The following SPIDR variants were observed in gnomAD, a reference collection of about 807,000 sequenced individuals.
SPIDR encodes scaffold protein involved in DNA repair.
Under a neutral mutation model 104.6 loss-of-function variants are expected in SPIDR, and 93 were observed. That is an observed-to-expected ratio of 0.89 (90% CI 0.75 to 1.06). The LOEUF (loss-of-function observed/expected upper bound fraction) is 1.06, where lower values mean the gene tolerates loss of function less well. Ranked by LOEUF, SPIDR falls within the 50% of genes least tolerant of loss-of-function variation. SPIDR has a pLI of 0.00. For synonymous variants in SPIDR, 431 were observed against 416.9 expected, an observed-to-expected ratio of 1.03 and a Z score of -0.41; for missense variants, 1,154 against 1,111.2, an observed-to-expected ratio of 1.04 and a Z score of -0.55.
rs546662027 is a variant in SPIDR at position 47,573,205 on chromosome 8, G to A, written c.1098-22606G>A. Among the ~76,000 whole-genome samples the A allele has an allele frequency of 7.2e-5, 11 of 152,230 alleles. No individual in the cohort carries two copies. In the East Asian group the frequency reaches 9.6e-4, roughly 13 times the overall value. On this transcript the variant is annotated intron_variant, in intron 8 of 19. Transcript: ENST00000297423. ...TTGGTGTTTGTCCTGATTGTTTTTC[G>A]GCAGGCTTAGCACAGTGAGCCCCTG...
At chr8:47,449,185 TG>T (rs1184461376) in intron 8 of SPIDR, among the ~76,000 whole-genome samples, 61 of 152,184 alleles carry the variant, frequency 4.0e-4, no homozygotes, top group Admixed American at 3.5e-3. Flanking sequence ...GGGTTTGATG[TG>T]GTATTTAAGT....
At chr8:47,444,748 A>G (rs1353421500) in intron 8 of SPIDR, among the ~76,000 whole-genome samples, 2 of 152,190 alleles carry the variant, frequency 1.3e-5, no homozygotes, top group South Asian at 2.1e-4. Context: ...TATGATTTCC[A>G]TAGTAACCTG....
At chr8:47,502,731 G>A (rs558648141) in intron 8 of SPIDR, among the ~76,000 whole-genome samples, 2 of 151,924 alleles carry the variant, frequency 1.3e-5, no homozygotes, top group Non-Finnish European at 2.9e-5. Flanking sequence ...TTGATGTTAG[G>A]GTGTCAATTT....
chr8:47,345,760 T>C (rs1014735239), intron 5 of SPIDR, among the ~76,000 whole-genome samples: 3 of 126,950 alleles, frequency 2.4e-5, no homozygotes, highest in Admixed American at 2.2e-4. Context: ...TTTGGCTGTC[T>C]GTTTGTCTCT....
At chr8:47,654,942 G>T (rs1231176521) in intron 10 of SPIDR, among the ~76,000 whole-genome samples, 1 of 148,728 alleles carries the variant, frequency 6.7e-6, no homozygotes, top group African/African-American at 2.5e-5. Flanking sequence ...TGTTCTCATT[G>T]TTCAATTCCT....
intron 8 of SPIDR, among the ~76,000 whole-genome samples, chr8:47,478,132 C>T (rs2076488736): frequency 6.6e-6 from 1 of 152,130 alleles, no homozygotes; most frequent in Admixed American, 6.5e-5. Flanking sequence ...CAAGGAGTAC[C>T]AGAGGACACG....
At chr8:47,560,755 T>C (rs931142951) in intron 8 of SPIDR, among the ~76,000 whole-genome samples, 1 of 152,222 alleles carries the variant, frequency 6.6e-6, no homozygotes, top group Admixed American at 6.5e-5. Flanking sequence ...TTCCTTTATA[T>C]GGATCGTAGG....
At chr8:47,437,513 T>A (rs1291140882) in intron 7 of SPIDR, among the ~76,000 whole-genome samples, 1 of 152,018 alleles carries the variant, frequency 6.6e-6, no homozygotes, top group Non-Finnish European at 1.5e-5. Flanking sequence ...TTTGGGTTGG[T>A]TCCAAGTCTT....
rs946488527 is a variant in SPIDR, at chr8:47,367,501, C to A, written c.526-28875C>A. On this transcript the variant is annotated intron_variant, in intron 5 of 19. Transcript: ENST00000297423. ...GTGTTGCTTTAAGCCACTAAGTTTG[C>A]GGTAATTTGTTACACAGCAATAGGA... 2.0e-5 allele frequency among the ~76,000 whole-genome samples: 3 copies of A among 152,064 alleles called. No homozygotes were observed. The South Asian group carries it at 6.2e-4, about 32-fold the overall frequency.
chr8:47,317,705 G>A (rs927100453), intron 5 of SPIDR, among the ~76,000 whole-genome samples: 24 of 152,126 alleles, frequency 1.6e-4, no homozygotes, highest in African/African-American at 5.6e-4. Flanking sequence ...CCTAGTAGGG[G>A]CAGACTAACA....
intron 5 of SPIDR, among the ~76,000 whole-genome samples, chr8:47,337,303 A>G (rs1309005360): frequency 6.6e-6 from 1 of 151,886 alleles, no homozygotes; most frequent in Non-Finnish European, 1.5e-5. Flanking sequence ...CTAATTGTTT[A>G]ATTTTTTTGT....
Position 47,728,630 on chromosome 8 carries a change from G to A in SPIDR, c.2436-303G>A, listed in dbSNP as rs145718079. ...AGAGCAGACTTTCTCTTCCGGGCCA[G>A]GGGGCAGCCTGACCCCTGGCCTCCC... On this transcript the variant is annotated intron_variant, in intron 17 of 19. Transcript: ENST00000297423. The A allele has an allele frequency of 9.4e-3, 2,580 of 274,734 alleles. 28 individuals are homozygous for A. The highest frequency in any genetic ancestry group is 0.031 in the Middle Eastern group (27 of 866). The allele number at this position is 274,734 out of a possible 1,614,324, so 17.0% of individuals were successfully genotyped here. A position where few individuals can be genotyped will look rare whatever the true frequency, so the allele number is the denominator to read the frequency against.
intron 11 of SPIDR, among the ~76,000 whole-genome samples, chr8:47,684,911 G>C (rs577790882): frequency 2.0e-5 from 3 of 152,312 alleles, no homozygotes; most frequent in South Asian, 4.1e-4. Context: ...GAGAGATCTA[G>C]TTAAAACAGG....
chr8:47,295,081 C>T (rs1794169335), intron 5 of SPIDR, among the ~76,000 whole-genome samples: 1 of 152,142 alleles, frequency 6.6e-6, no homozygotes, highest in Admixed American at 6.6e-5. Flanking sequence ...GTATATTCTG[C>T]AGCTAATACT....
intron 10 of SPIDR, among the ~76,000 whole-genome samples, chr8:47,664,741 T>TAAA (rs1250838194): frequency 4.7e-5 from 1 of 21,456 alleles, no homozygotes; most frequent in Admixed American, 5.7e-4. Context: ...ACCCCATCTC[T>TAAA]ACAAAAAAAA....
intron 5 of SPIDR, among the ~76,000 whole-genome samples, chr8:47,370,835 G>T (rs1343326730): frequency 2.0e-5 from 3 of 152,076 alleles, no homozygotes; most frequent in Non-Finnish European, 2.9e-5. Context: ...AAAATTTTAA[G>T]TTAAAAAAAT....
At chr8:47,640,735 T>G (rs2068746153) in intron 10 of SPIDR, among the ~76,000 whole-genome samples, 1 of 150,774 alleles carries the variant, frequency 6.6e-6, no homozygotes, top group African/African-American at 2.4e-5. Context: ...TGGAGTGCAG[T>G]GGCACGATCT....
intron 6 of SPIDR, among the ~76,000 whole-genome samples, chr8:47,403,526 T>C (rs1265262814): frequency 5.3e-5 from 8 of 152,160 alleles, no homozygotes; most frequent in Non-Finnish European, 1.2e-4. Flanking sequence ...ACAAAATCAA[T>C]GTGCAAAAAT....
At chr8:47,531,936 A>G (rs888398313) in intron 8 of SPIDR, among the ~76,000 whole-genome samples, 23 of 152,254 alleles carry the variant, frequency 1.5e-4, no homozygotes, top group Admixed American at 3.3e-4. Flanking sequence ...GTAGAATACA[A>G]TAACAGAAAG....
Sources: gnomAD v4.1 joint callset for allele counts (sites outside exome capture counted in the v4.1 genomes callset) on GRCh38, gnomAD v4.1.1 for gene constraint, MANE v1.5 for transcripts, NCBI Gene and HGNC (gene_info 2026-07-23, HGNC 2026-07-21) for gene names.